DNAAF4: variants seen among roughly 807,000 people sequenced by gnomAD.
The protein encoded by DNAAF4 is dynein axonemal assembly factor 4.
A neutral mutation model predicts 51.8 loss-of-function variants in DNAAF4; 43 were observed. The ratio of observed to expected loss-of-function variants is 0.83; its 90% confidence interval spans 0.65 to 1.07. DNAAF4 has a LOEUF of 1.07. Ranked by LOEUF, DNAAF4 falls within the 50% of genes least tolerant of loss-of-function variation. The probability of loss-of-function intolerance (pLI) is 0.00; values close to 1 mark genes in which losing one functional copy is unlikely to be tolerated. For missense variants in DNAAF4, 581 were observed against 493.0 expected (o/e 1.18, Z -1.69); for synonymous variants, 194 against 165.6 (o/e 1.17, Z -1.32).
chr15:55,477,290 TACC>T (rs1188408548), intron 4 of DNAAF4, among the ~76,000 whole-genome samples: 5 of 152,198 alleles, frequency 3.3e-5, no homozygotes, highest in Non-Finnish European at 7.3e-5. Flanking sequence ...AGTTATATTT[TACC>T]ACAATTAGAA....
At chr15:55,496,010 T>C (rs1420820262) in intron 3 of DNAAF4, among the ~76,000 whole-genome samples, 1 of 152,156 alleles carries the variant, frequency 6.6e-6, no homozygotes, top group African/African-American at 2.4e-5. Context: ...GTGGATCACT[T>C]GAGGTCAGGA....
intron 7 of DNAAF4, among the ~76,000 whole-genome samples, chr15:55,438,358 A>C (rs2057651795): frequency 6.6e-6 from 1 of 152,060 alleles, no homozygotes; most frequent in African/African-American, 2.4e-5. Context: ...TCTCAAAAAA[A>C]AAAAAAAAAT....
chr15:55,450,163 T>C (rs2057911462), intron 6 of DNAAF4, 59 bp downstream of exon 6: 1 of 1,497,952 alleles, frequency 6.7e-7, no homozygotes, highest in Non-Finnish European at 8.9e-7. Context: ...TTTCAATAGA[T>C]GAAATAAAAA....
chr15:55,449,718 A>ATTTTTTTTTTTT (rs1301627008), intron 6 of DNAAF4, among the ~76,000 whole-genome samples: 1 of 17,550 alleles, frequency 5.7e-5, no homozygotes, highest in Non-Finnish European at 1.2e-4. Flanking sequence ...TTTTTTTTTG[A>ATTTTTTTTTTTT]TTCAAAGTCT....
intron 4 of DNAAF4, 139 bp downstream of exon 4, chr15:55,490,984 A>T (rs2058563865): frequency 1.1e-6 from 1 of 932,976 alleles, no homozygotes. Flanking sequence ...TATAAATAGC[A>T]GACAGTCTAT....
chr15:55,489,175 C>T (rs1189989953), intron 4 of DNAAF4, among the ~76,000 whole-genome samples: 2 of 151,894 alleles, frequency 1.3e-5, no homozygotes, highest in Non-Finnish European at 2.9e-5. Flanking sequence ...CATACCAATA[C>T]AGCAGTAAGT....
intron 7 of DNAAF4, among the ~76,000 whole-genome samples, chr15:55,438,873 A>G (rs2057662110): frequency 1.3e-5 from 2 of 152,200 alleles, no homozygotes; most frequent in Admixed American, 6.5e-5. Context: ...GACATCAGAA[A>G]GGACTTATGT....
At chr15:55,465,509 G>T (rs1181576589) in intron 5 of DNAAF4, among the ~76,000 whole-genome samples, 2 of 150,542 alleles carry the variant, frequency 1.3e-5, no homozygotes, top group Non-Finnish European at 2.9e-5. Context: ...AGTTGGAGAC[G>T]ATTATGCTAC....
chr15:55,430,920 T>A, intron 9 of DNAAF4, 141 bp from the exon 10 acceptor site: 3 of 624,422 alleles, frequency 4.8e-6, no homozygotes, highest in Non-Finnish European at 7.6e-6. Flanking sequence ...TAGATTCCCA[T>A]CTTTTTTTTT....
intron 4 of DNAAF4, among the ~76,000 whole-genome samples, chr15:55,477,221 G>T (rs2058347702): frequency 6.6e-6 from 1 of 151,966 alleles, no homozygotes; most frequent in African/African-American, 2.4e-5. Context: ...TAGTAGTGAT[G>T]GTTGTCAATA....
At chr15:55,448,736 G>A (rs1013143131) in intron 6 of DNAAF4, among the ~76,000 whole-genome samples, 12 of 151,394 alleles carry the variant, frequency 7.9e-5, no homozygotes, top group South Asian at 2.1e-4. Context: ...TGGGCGTGGC[G>A]GTGGGCACCT....
rs200602471 is a variant in DNAAF4 at position 55,498,333 on chromosome 15, G to A, written c.-4C>T. On this transcript the variant is annotated 5_prime_UTR_variant, in exon 2 of 10. Transcript: ENST00000321149. ...AATCGCTAACCTGAAGAGGCATTCC[G>A]GTAGCAACGGGAGCGGATAGCGCGG... 583 of 1,598,606 alleles carry A rather than the reference G, an allele frequency of 3.6e-4. 5 individuals are homozygous for A. In the African/African-American group the frequency reaches 6.3e-3, roughly 17 times the overall value.
At chr15:55,483,811 C>A (rs1394287126) in intron 4 of DNAAF4, among the ~76,000 whole-genome samples, 1 of 135,188 alleles carries the variant, frequency 7.4e-6, no homozygotes, top group Non-Finnish European at 1.5e-5. Context: ...CAGGCATGAG[C>A]CATCACACCC....
chr15:55,460,309 A>G (rs1441312783), intron 5 of DNAAF4, among the ~76,000 whole-genome samples: 1 of 151,380 alleles, frequency 6.6e-6, no homozygotes, highest in African/African-American at 2.4e-5. Flanking sequence ...CCTCCTGAGT[A>G]GCTGGGATTA....
chr15:55,437,967 C>A (rs1003249443), intron 7 of DNAAF4, among the ~76,000 whole-genome samples: 8 of 152,154 alleles, frequency 5.3e-5, no homozygotes, highest in Non-Finnish European at 1.0e-4. Context: ...AAAATAAACA[C>A]AGAAGTGTAT....
intron 7 of DNAAF4, among the ~76,000 whole-genome samples, chr15:55,436,465 C>G (rs971485102): frequency 3.3e-5 from 5 of 152,074 alleles, no homozygotes; most frequent in Non-Finnish European, 7.4e-5. Flanking sequence ...CTCACTGCAA[C>G]CTCTACCTCC....
chr15:55,492,214 C>CATT lies in DNAAF4; in HGVS notation c.272-959_272-958insAAT, dbSNP rs1555421089. 1.9e-3 allele frequency among the ~76,000 whole-genome samples: 290 copies of CATT among 150,656 alleles called. 1 individual carries two copies. The highest frequency in any genetic ancestry group is 6.9e-3 in the African/African-American group (283 of 41,072). On this transcript the variant is annotated intron_variant, in intron 3 of 9. Transcript: ENST00000321149. ...AGTTTCACAAACTGAAGACTACGAT[C>CATT]AATGGGTAAATTATCTTACAAAGGG...
intron 4 of DNAAF4, among the ~76,000 whole-genome samples, chr15:55,469,001 T>C (rs1001455758): frequency 6.6e-6 from 1 of 151,982 alleles, no homozygotes; most frequent in Non-Finnish European, 1.5e-5. Context: ...AAGCTTATGA[T>C]AAAGAGAAAA....
At chr15:55,433,998 A>ATATT (rs2057565269) in intron 8 of DNAAF4, among the ~76,000 whole-genome samples, 5 of 88,112 alleles carry the variant, frequency 5.7e-5, no homozygotes, top group African/African-American at 2.3e-4. Context: ...TATATATAAT[A>ATATT]TTATATATAT....
Sources: gnomAD v4.1 joint callset for allele counts (sites outside exome capture counted in the v4.1 genomes callset) on GRCh38, gnomAD v4.1.1 for gene constraint, MANE v1.5 for transcripts, NCBI Gene and HGNC (gene_info 2026-07-23, HGNC 2026-07-21) for gene names.